The following TENM3 variants were observed in gnomAD, a reference collection of about 807,000 sequenced individuals.
TENM3 encodes the protein teneurin transmembrane protein 3.
A neutral mutation model predicts 255.1 loss-of-function variants in TENM3; 63 were observed. The observed-to-expected ratio is 0.25, with a 90% CI of 0.20 to 0.30. The LOEUF is 0.30. Ranked by LOEUF, TENM3 falls within the 10% of genes least tolerant of loss-of-function variation. TENM3 has a pLI of 1.00. For missense variants in TENM3, 2,929 were observed against 3,461.1 expected (o/e 0.85, Z 3.86); for synonymous variants, 1,306 against 1,322.3 (o/e 0.99, Z 0.27).
chr4:182,174,067 A>G (rs6815611), intron 1 of TENM3, among the ~76,000 whole-genome samples: 71,404 of 151,818 alleles, frequency 0.47, 17,140 homozygotes, highest in Non-Finnish European at 0.5. Flanking sequence ...TAACTAAAAA[A>G]TTGTTTTACA....
At chr4:181,902,627 A>G in the TENM3 span, among the ~76,000 whole-genome samples, 3 of 152,186 alleles carry the variant, frequency 2.0e-5, no homozygotes, top group South Asian at 2.1e-4. Flanking sequence ...TTGCAGGGAC[A>G]TGGATGAAGC....
At chr4:181,943,097 A>G in the TENM3 span, among the ~76,000 whole-genome samples, 1 of 152,154 alleles carries the variant, frequency 6.6e-6, no homozygotes, top group Non-Finnish European at 1.5e-5. Context: ...TATGTCTACA[A>G]ATGTAATTTT....
intron 4 of TENM3, among the ~76,000 whole-genome samples, chr4:182,619,983 A>C (rs780851858): frequency 1.1e-4 from 16 of 152,222 alleles, no homozygotes; most frequent in Admixed American, 2.0e-4. Context: ...TTTCATTCCC[A>C]AATATGGTCT....
the TENM3 span, among the ~76,000 whole-genome samples, chr4:181,457,073 A>G: frequency 2.0e-5 from 3 of 151,908 alleles, no homozygotes; most frequent in Non-Finnish European, 1.5e-5. Context: ...AGATTACTTA[A>G]TTGGTCATGA....
the TENM3 span, among the ~76,000 whole-genome samples, chr4:181,905,055 A>G: frequency 1.3e-4 from 20 of 152,272 alleles, no homozygotes; most frequent in African/African-American, 4.3e-4. Flanking sequence ...TGTAAGTCAA[A>G]TAAGTCAAAA....
At chr4:181,968,992 C>CTCTCTATATA in the TENM3 span, among the ~76,000 whole-genome samples, 6 of 116,024 alleles carry the variant, frequency 5.2e-5, no homozygotes, top group African/African-American at 1.7e-4. Context: ...CTCTCTCTCT[C>CTCTCTATATA]TATATACATA....
At chr4:181,448,706 C>T in the TENM3 span, among the ~76,000 whole-genome samples, 942 of 152,220 alleles carry the variant, frequency 6.2e-3, 3 homozygotes, top group South Asian at 0.012. Flanking sequence ...CAGTTTATTT[C>T]AGAAGATAGG....
At chr4:181,497,452 T>G in the TENM3 span, among the ~76,000 whole-genome samples, 19 of 152,258 alleles carry the variant, frequency 1.2e-4, no homozygotes, top group African/African-American at 4.3e-4. Context: ...GTAGGAGGCT[T>G]TGGATGGATG....
chr4:182,394,315 GC>G (rs1192984079), intron 3 of TENM3, among the ~76,000 whole-genome samples: 2 of 151,820 alleles, frequency 1.3e-5, no homozygotes, highest in East Asian at 1.9e-4. Context: ...ATTCCTTCCT[GC>G]CCCCCACCTA....
intron 3 of TENM3, among the ~76,000 whole-genome samples, chr4:182,589,002 T>A (rs1746328614): frequency 6.6e-6 from 1 of 152,174 alleles, no homozygotes; most frequent in Admixed American, 6.5e-5. Flanking sequence ...TAACCAGAAA[T>A]TCTGCTATCC....
At chr4:182,743,501 T>TA in intron 19 of TENM3, 82 bp downstream of exon 19, 1 of 1,467,110 alleles carries the variant, frequency 6.8e-7, no homozygotes, top group Non-Finnish European at 9.4e-7. Context: ...TGTACTGATT[T>TA]ATTCATAGAA....
At chr4:181,735,230 A>G in the TENM3 span, among the ~76,000 whole-genome samples, 1 of 152,104 alleles carries the variant, frequency 6.6e-6, no homozygotes, top group African/African-American at 2.4e-5. Context: ...CATGTCCTTA[A>G]TAGAGTACTT....
At chr4:182,345,312 T>G (rs1209048985) in intron 2 of TENM3, among the ~76,000 whole-genome samples, 1 of 152,246 alleles carries the variant, frequency 6.6e-6, no homozygotes, top group Non-Finnish European at 1.5e-5. Context: ...CCGAGAAGAT[T>G]CAACATGGTA....
chr4:182,619,157 G>T (rs1375112217), intron 4 of TENM3, among the ~76,000 whole-genome samples: 1 of 152,112 alleles, frequency 6.6e-6, no homozygotes, highest in African/African-American at 2.4e-5. Flanking sequence ...GCCAGGTGTG[G>T]TGGCTCACAC....
At chr4:181,750,742 T>C in the TENM3 span, among the ~76,000 whole-genome samples, 1,613 of 152,252 alleles carry the variant, frequency 0.011, 30 homozygotes, top group African/African-American at 0.037. Context: ...ATTTGTTGGG[T>C]CGGTTTTGGG....
intron 3 of TENM3, among the ~76,000 whole-genome samples, chr4:182,478,964 A>C (rs906750385): frequency 4.6e-5 from 7 of 151,970 alleles, no homozygotes; most frequent in Admixed American, 2.6e-4. Flanking sequence ...TTTATTGGAT[A>C]GATTCTTATT....
At chr4:182,553,766 A>G (rs1227044135) in intron 3 of TENM3, among the ~76,000 whole-genome samples, 1 of 152,190 alleles carries the variant, frequency 6.6e-6, no homozygotes, top group Non-Finnish European at 1.5e-5. Context: ...TCGGGTTACT[A>G]TCTAAACCTT....
the TENM3 span, among the ~76,000 whole-genome samples, chr4:182,016,806 T>C: frequency 6.6e-6 from 1 of 152,252 alleles, no homozygotes; most frequent in Non-Finnish European, 1.5e-5. Context: ...TTGTTATTAG[T>C]ATTCACTTTA....
At chr4:182,034,796 C>T in the TENM3 span, among the ~76,000 whole-genome samples, 1 of 152,262 alleles carries the variant, frequency 6.6e-6, no homozygotes, top group African/African-American at 2.4e-5. Flanking sequence ...CCTGGACTTT[C>T]TTTCTGGCTC....
Sources: gnomAD v4.1 joint callset for allele counts (sites outside exome capture counted in the v4.1 genomes callset) on GRCh38, gnomAD v4.1.1 for gene constraint, MANE v1.5 for transcripts, NCBI Gene and HGNC (gene_info 2026-07-23, HGNC 2026-07-21) for gene names.